RIC8B: variants seen among roughly 807,000 people sequenced by gnomAD.
RIC8B encodes the protein chaperone Ric-8B.
RIC8B carries 16 observed loss-of-function variants against 57.5 expected under a neutral mutation model. The ratio of observed to expected loss-of-function variants is 0.28; its 90% CI spans 0.19 to 0.42. The LOEUF (loss-of-function observed/expected upper bound fraction) is 0.42, where lower values mean the gene tolerates loss of function less well. Ranked by LOEUF, RIC8B falls within the 10% of genes least tolerant of loss-of-function variation. The probability of loss-of-function intolerance (pLI) is 1.00; values close to 1 mark genes in which losing one functional copy is unlikely to be tolerated. For missense variants in RIC8B, 481 were observed against 677.0 expected (o/e 0.71, Z 3.21); for synonymous variants, 216 against 250.8 (o/e 0.86, Z 1.31).
At chr12:106,805,962 T>C (rs1284451459) in intron 2 of RIC8B, among the ~76,000 whole-genome samples, 1 of 152,176 alleles carries the variant, frequency 6.6e-6, no homozygotes, top group Non-Finnish European at 1.5e-5. Flanking sequence ...TTTTCTTTTC[T>C]TTTTGAGATG....
At chr12:106,782,003 TTCCTC>T (rs1404604622) in intron 1 of RIC8B, among the ~76,000 whole-genome samples, 7 of 152,242 alleles carry the variant, frequency 4.6e-5, no homozygotes, top group African/African-American at 1.4e-4. Flanking sequence ...CAATCTTTCT[TTCCTC>T]TCCTCCTTCT....
chr12:106,778,316 A>G (rs1190695181), intron 1 of RIC8B, among the ~76,000 whole-genome samples: 1 of 152,168 alleles, frequency 6.6e-6, no homozygotes. Context: ...TTCTTGCTTC[A>G]TTCACTGACC....
intron 8 of RIC8B, chr12:106,868,560 T>A (rs1263399058): frequency 7.1e-6 from 2 of 283,128 alleles, no homozygotes; most frequent in Admixed American, 4.2e-5. Context: ...GTGGTGGAAT[T>A]GTATTTTCAG....
intron 7 of RIC8B, 113 bp downstream of exon 7, chr12:106,851,707 C>G (rs748677630): frequency 1.1e-6 from 1 of 919,704 alleles, no homozygotes; most frequent in Non-Finnish European, 1.6e-6. Flanking sequence ...AGCTTACTGT[C>G]TGTTCTATTA....
chr12:106,775,385 A>G, intron 1 of RIC8B: 2 of 456,042 alleles, frequency 4.4e-6, no homozygotes, highest in Non-Finnish European at 8.8e-6. Flanking sequence ...CCGAGGTGCA[A>G]AGAGCTGAAA....
chr12:106,810,687 G>C (rs146233257), intron 2 of RIC8B, among the ~76,000 whole-genome samples: 16 of 152,304 alleles, frequency 1.1e-4, no homozygotes, highest in African/African-American at 3.8e-4. Context: ...AGATAATTTG[G>C]AAAGAAATAT....
intron 9 of RIC8B, chr12:106,874,532 C>G: frequency 1.3e-6 from 2 of 1,551,168 alleles, no homozygotes; most frequent in Non-Finnish European, 1.7e-6. Flanking sequence ...AACAGTGGCC[C>G]GTGCCAAAGC....
At chr12:106,850,543 C>G (rs1342637257) in intron 6 of RIC8B, among the ~76,000 whole-genome samples, 1 of 152,120 alleles carries the variant, frequency 6.6e-6, no homozygotes, top group Non-Finnish European at 1.5e-5. Flanking sequence ...CATAAGCCCT[C>G]TGGGGATCAG....
At chr12:106,803,338 A>C (rs977294070) in intron 2 of RIC8B, among the ~76,000 whole-genome samples, 2 of 151,838 alleles carry the variant, frequency 1.3e-5, no homozygotes, top group African/African-American at 4.8e-5. Context: ...TTTTTATAGA[A>C]TCTTTTGTAC....
intron 7 of RIC8B, among the ~76,000 whole-genome samples, chr12:106,853,453 C>CTTTTTTTTATT (rs1949565482): frequency 2.6e-5 from 1 of 38,022 alleles, no homozygotes; most frequent in Non-Finnish European, 4.3e-5. Context: ...GCTTTATAGT[C>CTTTTTTTTATT]TTTTTTTTTT....
chr12:106,808,016 C>T (rs962575071), intron 2 of RIC8B, among the ~76,000 whole-genome samples: 5 of 148,636 alleles, frequency 3.4e-5, no homozygotes, highest in African/African-American at 5.0e-5. Context: ...ACCTGGGAGG[C>T]GGAGGTTGCA....
At chr12:106,826,514 G>A (rs368539512) in intron 4 of RIC8B, among the ~76,000 whole-genome samples, 4 of 152,220 alleles carry the variant, frequency 2.6e-5, no homozygotes, top group African/African-American at 9.7e-5. Context: ...AACACTTTGG[G>A]AGTCCAAGGC....
intron 3 of RIC8B, among the ~76,000 whole-genome samples, chr12:106,815,747 A>G (rs1436813000): frequency 2.6e-5 from 4 of 152,186 alleles, no homozygotes; most frequent in Admixed American, 1.3e-4. Flanking sequence ...TGCTCAGGAG[A>G]GTAGAAGATG....
At chr12:106,777,519 T>TAG (rs1183999556) in intron 1 of RIC8B, among the ~76,000 whole-genome samples, 6 of 152,026 alleles carry the variant, frequency 3.9e-5, no homozygotes, top group East Asian at 1.9e-4. Context: ...ATGAATGCTG[T>TAG]AGAGAGAGAG....
intron 2 of RIC8B, among the ~76,000 whole-genome samples, chr12:106,803,701 T>C (rs56065706): frequency 0.022 from 3,309 of 152,330 alleles, 59 homozygotes; most frequent in Non-Finnish European, 0.031. Flanking sequence ...CAACTCATAG[T>C]AAAGATTTCT....
chr12:106,860,722 T>G (rs1312043169), intron 8 of RIC8B, among the ~76,000 whole-genome samples: 2 of 152,152 alleles, frequency 1.3e-5, no homozygotes, highest in African/African-American at 2.4e-5. Flanking sequence ...TTTCCATAGG[T>G]TAAGATTTTA....
intron 9 of RIC8B, among the ~76,000 whole-genome samples, chr12:106,883,929 T>TC (rs1469969361): frequency 6.6e-6 from 1 of 152,014 alleles, no homozygotes; most frequent in Non-Finnish European, 1.5e-5. Context: ...ACCTCACCAT[T>TC]CCCCAAACAC....
intron 1 of RIC8B, among the ~76,000 whole-genome samples, chr12:106,781,208 C>G (rs552416697): frequency 2.6e-5 from 4 of 152,226 alleles, no homozygotes; most frequent in South Asian, 2.1e-4. Context: ...CCTCAGCCCC[C>G]CAAAGTGTTA....
At chr12:106,869,695 T>G (rs898638868) in intron 8 of RIC8B, among the ~76,000 whole-genome samples, 1 of 152,198 alleles carries the variant, frequency 6.6e-6, no homozygotes, top group Non-Finnish European at 1.5e-5. Flanking sequence ...ATCCCAGCAC[T>G]TCAGGAGCTG....
Sources: gnomAD v4.1 joint callset for allele counts (sites outside exome capture counted in the v4.1 genomes callset) on GRCh38, gnomAD v4.1.1 for gene constraint, MANE v1.5 for transcripts, NCBI Gene and HGNC (gene_info 2026-07-23, HGNC 2026-07-21) for gene names.